SPPL3: variants seen among roughly 807,000 people sequenced by gnomAD.
The protein encoded by SPPL3 is signal peptide peptidase like 3, also known as signal peptide peptidase-like 3.
In SPPL3, 5 loss-of-function variants were observed where a neutral mutation model predicts 42.4. The ratio of observed to expected loss-of-function variants is 0.12; its 90% CI spans 0.06 to 0.25. The LOEUF (loss-of-function observed/expected upper bound fraction) is 0.25, where lower values mean the gene tolerates loss of function less well. Among genes scored for constraint, SPPL3 ranks in the 10% least tolerant of loss-of-function variants. SPPL3 has a pLI of 1.00. For synonymous variants in SPPL3, 195 were observed against 181.8 expected (o/e 1.07, Z -0.58); for missense variants, 235 against 489.0 (o/e 0.48, Z 4.90).
intron 1 of SPPL3, among the ~76,000 whole-genome samples, chr12:120,828,818 G>A (rs11065284): frequency 0.41 from 62,607 of 152,082 alleles, 14,486 homozygotes; most frequent in Admixed American, 0.56. Context: ...GTGCAGTGGC[G>A]TGATCACAGC....
intron 1 of SPPL3, among the ~76,000 whole-genome samples, chr12:120,831,109 C>T (rs1566054722): frequency 6.6e-6 from 1 of 152,066 alleles, no homozygotes; most frequent in Non-Finnish European, 1.5e-5. Context: ...AAACATTCAA[C>T]TTCGGTCCTT....
intron 2 of SPPL3, among the ~76,000 whole-genome samples, chr12:120,803,971 A>AACTACAATTATATGCACTTAGAATG: frequency 6.6e-6 from 1 of 152,216 alleles, no homozygotes; most frequent in African/African-American, 2.4e-5. Context: ...ACCATGGTCT[A>AACTACAATTATATGCACTTAGAATG]ACTACAATTA....
At chr12:120,786,622 T>A (rs185734482) in intron 3 of SPPL3, among the ~76,000 whole-genome samples, 78 of 152,298 alleles carry the variant, frequency 5.1e-4, no homozygotes, top group Admixed American at 5.1e-3. Context: ...ACAAAGGACC[T>A]TTCTGGCGTA....
At chr12:120,829,994 C>CAA (rs35847324) in intron 1 of SPPL3, among the ~76,000 whole-genome samples, 8 of 119,580 alleles carry the variant, frequency 6.7e-5, no homozygotes, top group African/African-American at 1.5e-4. Flanking sequence ...AACTCCATCT[C>CAA]AAAAAAAAAA....
chr12:120,814,423 A>G (rs12825518), intron 1 of SPPL3, among the ~76,000 whole-genome samples: 1 of 152,204 alleles, frequency 6.6e-6, no homozygotes, highest in Non-Finnish European at 1.5e-5. Context: ...GAACAACCAG[A>G]TTATGTAGAC....
intron 2 of SPPL3, among the ~76,000 whole-genome samples, chr12:120,807,306 A>G (rs1286629025): frequency 1.3e-5 from 2 of 152,184 alleles, no homozygotes; most frequent in African/African-American, 4.8e-5. Context: ...AGGGTACACT[A>G]AAAAATGGTT....
At chr12:120,876,616 CAAAA>C (rs71076676) in intron 1 of SPPL3, among the ~76,000 whole-genome samples, 13 of 51,218 alleles carry the variant, frequency 2.5e-4, no homozygotes, top group Admixed American at 9.9e-4. Context: ...GACTCTGTCT[CAAAA>C]AAAAAAAAAA....
At chr12:120,826,207 C>T (rs58291418) in intron 1 of SPPL3, among the ~76,000 whole-genome samples, 62,043 of 149,990 alleles carry the variant, frequency 0.41, 14,342 homozygotes, top group Middle Eastern at 0.58. Context: ...GAAGGAGAAT[C>T]GCTTGAACCT....
At chr12:120,821,628 G>A (rs2137009532) in intron 1 of SPPL3, among the ~76,000 whole-genome samples, 1 of 152,246 alleles carries the variant, frequency 6.6e-6, no homozygotes, top group East Asian at 1.9e-4. Context: ...TTAAAAACTT[G>A]CAAAAATCTA....
At chr12:120,787,715 G>A (rs569624301) in intron 3 of SPPL3, among the ~76,000 whole-genome samples, 1 of 151,986 alleles carries the variant, frequency 6.6e-6, no homozygotes, top group Admixed American at 6.5e-5. Flanking sequence ...TTTATGACAC[G>A]TTTTCCACCC....
At chr12:120,827,976 T>G (rs1340347749) in intron 1 of SPPL3, among the ~76,000 whole-genome samples, 2 of 152,110 alleles carry the variant, frequency 1.3e-5, no homozygotes, top group Non-Finnish European at 2.9e-5. Context: ...TTAGTAGAGA[T>G]GGGGTTTTGC....
chr12:120,809,955 C>G (rs926641369), intron 2 of SPPL3, among the ~76,000 whole-genome samples: 1 of 150,782 alleles, frequency 6.6e-6, no homozygotes, highest in Non-Finnish European at 1.5e-5. Context: ...TACTTACAAG[C>G]ATTTTAGGAC....
At chr12:120,864,259 G>A (rs1872698178) in intron 1 of SPPL3, among the ~76,000 whole-genome samples, 1 of 152,168 alleles carries the variant, frequency 6.6e-6, no homozygotes, top group Non-Finnish European at 1.5e-5. Flanking sequence ...TGTAGGCCAG[G>A]CCCAGTGGCT....
At chr12:120,867,919 G>T (rs1413729707) in intron 1 of SPPL3, among the ~76,000 whole-genome samples, 1 of 151,712 alleles carries the variant, frequency 6.6e-6, no homozygotes, top group Admixed American at 6.6e-5. Context: ...AGCTAAATTT[G>T]TATCTTTTGT....
At chr12:120,786,213 C>A (rs1206509608) in intron 3 of SPPL3, among the ~76,000 whole-genome samples, 1 of 152,172 alleles carries the variant, frequency 6.6e-6, no homozygotes, top group Non-Finnish European at 1.5e-5. Context: ...ATCTTGGAAG[C>A]AGTCTGTCCT....
chr12:120,885,849 CTTTTTTTTTT>C (rs142907503), intron 1 of SPPL3, among the ~76,000 whole-genome samples: 2 of 121,598 alleles, frequency 1.6e-5, no homozygotes, highest in South Asian at 2.6e-4. Flanking sequence ...AACATTAAAA[CTTTTTTTTTT>C]TTTTTTTTTT....
chr12:120,863,447 A>C (rs543875101), intron 1 of SPPL3, among the ~76,000 whole-genome samples: 1 of 152,178 alleles, frequency 6.6e-6, no homozygotes, highest in Non-Finnish European at 1.5e-5. Flanking sequence ...AATATCTTTA[A>C]TGTCTGGCTT....
chr12:120,903,829 G>A lies in SPPL3; in HGVS notation c.23+16C>T. On this transcript the variant is annotated intron_variant, in intron 1 of 10. Coordinates refer to ENST00000353487, the MANE Select transcript of SPPL3 (RefSeq NM_139015.5). ...CACCCTTGCCGCCTCCCGGCCTCCCGGAGCCCCGCACTCACCACGAGTAGG... is the reference window on the plus strand; with the variant it reads ...CACCCTTGCCGCCTCCCGGCCTCCCAGAGCCCCGCACTCACCACGAGTAGG... 1.4e-6 allele frequency: 2 copies of A among 1,388,306 alleles called. No individual in the cohort carries two copies. Among genetic ancestry groups the A allele is most frequent in the Non-Finnish European group, 1.9e-6 (2 of 1,065,232 alleles). The allele number at this position is 1,388,306 out of a possible 1,614,324, so 86.0% of individuals were successfully genotyped here. A position where few individuals can be genotyped will look rare whatever the true frequency, so the allele number is the denominator to read the frequency against.
At chr12:120,842,543 T>C (rs2137027100) in intron 1 of SPPL3, among the ~76,000 whole-genome samples, 1 of 152,184 alleles carries the variant, frequency 6.6e-6, no homozygotes, top group South Asian at 2.1e-4. Context: ...ACAACAGAAA[T>C]GTGTTTCTTC....
Sources: allele counts gnomAD v4.1 joint callset (sites outside exome capture counted in the v4.1 genomes callset), GRCh38; gene constraint gnomAD v4.1.1; transcripts MANE v1.5; gene names NCBI Gene and HGNC (gene_info 2026-07-23, HGNC 2026-07-21).